CDCA7L: variants seen among roughly 807,000 people sequenced by gnomAD.
CDCA7L encodes cell division cycle associated 7 like, also known as cell division cycle-associated 7-like protein.
In CDCA7L, 44 loss-of-function variants were observed where a neutral mutation model predicts 57.4. That is an observed-to-expected ratio of 0.77 (90% confidence interval 0.60 to 0.98). The LOEUF is 0.98. Among genes scored for constraint, CDCA7L ranks in the 50% least tolerant of loss-of-function variants. CDCA7L has a pLI of 0.00. For synonymous variants in CDCA7L, 236 were observed against 202.8 expected, an observed-to-expected ratio of 1.16 and a Z score of -1.39; for missense variants, 644 against 580.6, an observed-to-expected ratio of 1.11 and a Z score of -1.12.
At chr7:21,921,796 C>G (rs1052585683) in intron 1 of CDCA7L, among the ~76,000 whole-genome samples, 1 of 151,812 alleles carries the variant, frequency 6.6e-6, no homozygotes, top group African/African-American at 2.4e-5. Flanking sequence ...AAATTCTCAT[C>G]TGAAAGTGAA....
chr7:21,908,086 A>G, intron 4 of CDCA7L, 44 bp downstream of exon 4: 2 of 1,491,604 alleles, frequency 1.3e-6, no homozygotes, highest in Non-Finnish European at 1.8e-6. Flanking sequence ...AACTGCTGCC[A>G]GAGCCTGGTG....
At chr7:21,945,176 T>C (rs557907322) in intron 1 of CDCA7L, among the ~76,000 whole-genome samples, 78 of 152,260 alleles carry the variant, frequency 5.1e-4, no homozygotes, top group African/African-American at 1.6e-3. Flanking sequence ...TAACGCGTAA[T>C]TGGGGTCGTG....
rs763009889 is a variant in CDCA7L at position 21,906,548 on chromosome 7, T to G, written c.753+20A>C. ...TCACCATATATCAGTATTGGTATAATTATAAGGAGTTCTACTTACAGAAGC... is the reference window on the plus strand; with the variant it reads ...TCACCATATATCAGTATTGGTATAAGTATAAGGAGTTCTACTTACAGAAGC... On this transcript the variant is annotated intron_variant, in intron 5 of 9. Coordinates refer to ENST00000406877, the MANE Select transcript of CDCA7L (RefSeq NM_018719.5). 3 of 1,613,592 alleles carry G rather than the reference T, an allele frequency of 1.9e-6. No individual in the cohort carries two copies. Among genetic ancestry groups the G allele is most frequent in the Non-Finnish European group, 1.7e-6 (2 of 1,179,670 alleles).
intron 8 of CDCA7L, among the ~76,000 whole-genome samples, chr7:21,903,416 A>AGCCCTGG (rs1333512341): frequency 6.6e-6 from 1 of 152,210 alleles, no homozygotes; most frequent in Non-Finnish European, 1.5e-5. Flanking sequence ...CCAGGATGTC[A>AGCCCTGG]GCCCTGGTTT....
intron 1 of CDCA7L, among the ~76,000 whole-genome samples, chr7:21,925,981 G>A (rs893449761): frequency 6.6e-6 from 1 of 152,126 alleles, no homozygotes; most frequent in Non-Finnish European, 1.5e-5. Flanking sequence ...GCACACACCT[G>A]TAGTCCCAGC....
Position 21,902,862 on chromosome 7 carries a change from T to G in CDCA7L, c.1334+116A>C, listed in dbSNP as rs769615518. The G allele has an allele frequency of 1.4e-5, 12 of 884,800 alleles. No individual in the cohort carries two copies. The Admixed American group carries it at 2.0e-4, about 15-fold the overall frequency. 54.8% of individuals were successfully genotyped at this position (884,800 alleles called of 1,614,324 possible). A position where few individuals can be genotyped will look rare whatever the true frequency, so the allele number is the denominator to read the frequency against. ...ACAGATACAGAATGGATGGTACTCG[T>G]GGTTTATATAAGTAAGTAAGTCACA... On this transcript the variant is annotated intron_variant, in intron 9 of 9. Transcript: ENST00000406877.
chr7:21,903,106 C>G lies in CDCA7L; in HGVS notation c.1206G>C (p.Val402=). Residue 402 remains valine, a synonymous_variant, in exon 9 of 10, where the codon GTG becomes GTC. Transcript: ENST00000406877. ...VRSALLDPDW[V]CPPCRGICNC... ...TGCAGATCCCACGACAGGGGGGACA[C>G]ACCCAATCCTAACAGAGAGATGACA... The G allele has an allele frequency of 6.2e-7, 1 of 1,613,650 alleles. No individual in the cohort carries two copies.
chr7:21,942,030 T>G (rs1215595669), intron 1 of CDCA7L, among the ~76,000 whole-genome samples: 1 of 151,720 alleles, frequency 6.6e-6, no homozygotes, highest in African/African-American at 2.4e-5. Flanking sequence ...TGGTAGAGAG[T>G]GTGGGGAAAG....
At chr7:21,904,980 T>C (rs1189344690) in intron 7 of CDCA7L, among the ~76,000 whole-genome samples, 2 of 152,208 alleles carry the variant, frequency 1.3e-5, no homozygotes, top group Non-Finnish European at 2.9e-5. Context: ...CAGACCTGGA[T>C]ACCTTCAATG....
intron 1 of CDCA7L, among the ~76,000 whole-genome samples, chr7:21,922,273 T>C (rs1037885682): frequency 6.6e-6 from 1 of 152,182 alleles, no homozygotes; most frequent in Non-Finnish European, 1.5e-5. Context: ...CTGAGAGCTT[T>C]TCTCTGAAAT....
chr7:21,930,727 CTA>C lies in CDCA7L; in HGVS notation c.25-13835_25-13834del, dbSNP rs1785982954. On this transcript the variant is annotated intron_variant, in intron 1 of 9. Transcript: ENST00000406877. ...AAAAAAAAAAAAAAAAAAAAAAGAA[CTA>C]GAGACGCAAGAGCCATCAAATTCAA... 2.4e-5 allele frequency among the ~76,000 whole-genome samples: 3 copies of C among 122,828 alleles called. No individual in the cohort carries two copies. The South Asian group carries it at 8.2e-4, about 34-fold the overall frequency. 80.6% of individuals were successfully genotyped at this position (122,828 alleles called of 152,430 possible).
In CDCA7L at chr7:21,945,849, G is replaced by A. The variant is rs748923292; in HGVS notation, c.-45C>T. On this transcript the variant is annotated 5_prime_UTR_variant, in exon 1 of 10. Coordinates refer to ENST00000406877, the MANE Select transcript of CDCA7L (RefSeq NM_018719.5). ...GTCTCCTCCCAGCACGCGGCCACGG[G>A]AGCCCGGACTCACCACGGCCCGGCG... is the stretch of plus-strand genomic sequence containing the variant. The A allele has an allele frequency of 5.8e-5, 92 of 1,576,962 alleles. No homozygotes were observed. The highest frequency in any genetic ancestry group is 3.3e-5 in the Non-Finnish European group (38 of 1,164,340).
chr7:21,939,157 G>A (rs1260029197), intron 1 of CDCA7L, among the ~76,000 whole-genome samples: 1 of 152,180 alleles, frequency 6.6e-6, no homozygotes, highest in Non-Finnish European at 1.5e-5. Flanking sequence ...CATATCCTCA[G>A]AGACAGAAAC....
intron 1 of CDCA7L, among the ~76,000 whole-genome samples, chr7:21,921,803 T>C (rs1785664280): frequency 6.6e-6 from 1 of 152,078 alleles, no homozygotes; most frequent in African/African-American, 2.4e-5. Context: ...CATCTGAAAG[T>C]GAAAAGACCG....
Position 21,905,413 on chromosome 7 carries a change from T to C in CDCA7L, c.1047+93A>G, listed in dbSNP as rs976980447. On this transcript the variant is annotated intron_variant, in intron 7 of 9. Transcript: ENST00000406877. The stretch of plus-strand genomic sequence containing the variant: ...GCCTGGCTCTGAGCCCTTGGTGAGA[T>C]GGCATAAGCCCTGATAGAGTTTAAA... The C allele has an allele frequency of 2.4e-5, 33 of 1,380,984 alleles. No individual in the cohort carries two copies. In the Admixed American group the frequency reaches 5.6e-4, roughly 23 times the overall value. 85.5% of individuals were successfully genotyped at this position (1,380,984 alleles called of 1,614,324 possible).
chr7:21,913,078 G>A lies in CDCA7L; in HGVS notation c.166-1324C>T, dbSNP rs183987238. 2.0e-5 allele frequency among the ~76,000 whole-genome samples: 3 copies of A among 152,104 alleles called. No homozygotes were observed. In the East Asian group the frequency reaches 5.8e-4, roughly 30 times the overall value. ...AATGACCCCTTGTAACACCACACTTGGCGGGGAATCTGTATCTACCCCACT... is the reference window on the plus strand; with the variant it reads ...AATGACCCCTTGTAACACCACACTTAGCGGGGAATCTGTATCTACCCCACT... On this transcript the variant is annotated intron_variant, in intron 2 of 9. Coordinates refer to ENST00000406877, the MANE Select transcript of CDCA7L (RefSeq NM_018719.5).
chr7:21,905,450 T>C, intron 7 of CDCA7L, 56 bp downstream of exon 7: 2 of 1,580,572 alleles, frequency 1.3e-6, no homozygotes, highest in South Asian at 1.1e-5. Flanking sequence ...ACAAGTGAGA[T>C]TTCAATACCA....
At position 21,908,454 on chromosome 7, in the gene CDCA7L, T is replaced by A. The variant is rs746581280; in HGVS notation, c.357A>T (p.Glu119Asp). 1 of 1,562,172 alleles carries A rather than the reference T, an allele frequency of 6.4e-7. No individual in the cohort carries two copies. Among genetic ancestry groups the A allele is most frequent in the East Asian group, 2.2e-5 (1 of 44,552 alleles). The change falls in exon 4 of 10, where the codon GAA becomes GAT. Residue 119 changes from glutamate to aspartate, a missense_variant. Glu to Asp is a conservative substitution (Grantham distance 45). Coordinates refer to ENST00000406877, the MANE Select transcript of CDCA7L (RefSeq NM_018719.5). ...CCTTATCTTCTTCTTCATCTTCCTC[T>A]TCCTCGCTCACCAAAGATGCTTTGC... The part of the protein sequence containing the change: ...DDGKASLVSE[E>D]EEDEEEDKAT...
At chr7:21,920,778 C>T (rs368303804) in intron 1 of CDCA7L, among the ~76,000 whole-genome samples, 3 of 152,192 alleles carry the variant, frequency 2.0e-5, no homozygotes, top group South Asian at 2.1e-4. Context: ...AGAACTAATA[C>T]GCAAGGAAAA....
Sources: allele counts gnomAD v4.1 joint callset (sites outside exome capture counted in the v4.1 genomes callset), GRCh38; gene constraint gnomAD v4.1.1; transcripts MANE v1.5; gene names NCBI Gene and HGNC (gene_info 2026-07-23, HGNC 2026-07-21).